Variants in CACNA2D3 observed in about 807,000 individuals in gnomAD.
CACNA2D3 encodes voltage-dependent calcium channel subunit alpha-2/delta-3.
In CACNA2D3, 60 loss-of-function variants were observed where a neutral mutation model predicts 160.6. That is an observed-to-expected ratio of 0.37 (90% CI 0.30 to 0.46). The LOEUF (loss-of-function observed/expected upper bound fraction) is 0.46, where lower values mean the gene tolerates loss of function less well. Ranked by LOEUF, CACNA2D3 falls within the 20% of genes least tolerant of loss-of-function variation. The probability of loss-of-function intolerance (pLI) is 1.00; values close to 1 mark genes in which losing one functional copy is unlikely to be tolerated. For missense variants in CACNA2D3, 1,205 were observed against 1,365.0 expected (o/e 0.88, Z 1.85); for synonymous variants, 558 against 492.9 (o/e 1.13, Z -1.75).
chr3:54,811,609 T>G (rs923917351), intron 13 of CACNA2D3, among the ~76,000 whole-genome samples: 7 of 151,368 alleles, frequency 4.6e-5, no homozygotes, highest in African/African-American at 1.7e-4. Context: ...GCGATTCTCC[T>G]GCTTCAGCCT....
chr3:54,585,337 CATA>C (rs1481253879), intron 9 of CACNA2D3, among the ~76,000 whole-genome samples: 3 of 151,824 alleles, frequency 2.0e-5, no homozygotes, highest in Non-Finnish European at 4.4e-5. Flanking sequence ...ATATTTGTAC[CATA>C]ATACCTACAG....
chr3:54,590,168 A>C (rs1212390116), intron 9 of CACNA2D3, among the ~76,000 whole-genome samples: 1 of 152,200 alleles, frequency 6.6e-6, no homozygotes, highest in Non-Finnish European at 1.5e-5. Flanking sequence ...TCCTTCAATG[A>C]CTGAATGGTT....
chr3:54,880,790 GC>G lies in CACNA2D3; in HGVS notation c.1845-5del, dbSNP rs1699777886. The G allele has an allele frequency of 6.2e-7, 1 of 1,612,602 alleles. No homozygotes were observed. The highest frequency in any genetic ancestry group is 1.7e-5 in the Admixed American group (1 of 59,994). The stretch of plus-strand genomic sequence containing the variant: ...ATTTCAAGATTTGCTTTGTCTCTCT[GC>G]ACAGTTTAGGTGTGGCGCTTTCCAG... On this transcript the variant is annotated splice_region_variant and splice_polypyrimidine_tract_variant and intron_variant, in intron 20 of 37. Transcript: ENST00000474759.
chr3:54,918,335 T>TC, intron 27 of CACNA2D3: 3 of 125,068 alleles, frequency 2.4e-5, no homozygotes, highest in Non-Finnish European at 2.5e-5. Flanking sequence ...TTTTTTTCTT[T>TC]TTTTTTTTTT....
intron 3 of CACNA2D3, among the ~76,000 whole-genome samples, chr3:54,376,717 A>G (rs1470358838): frequency 1.3e-5 from 2 of 152,202 alleles, no homozygotes; most frequent in East Asian, 1.9e-4. Flanking sequence ...CAGCAGCAAG[A>G]TAACATTAGT....
At chr3:54,928,970 G>C (rs2106951053) in intron 27 of CACNA2D3, among the ~76,000 whole-genome samples, 1 of 152,220 alleles carries the variant, frequency 6.6e-6, no homozygotes, top group South Asian at 2.1e-4. Context: ...GCTGAGGTGG[G>C]GTTTCAACCC....
chr3:54,383,110 A>G (rs868241138), intron 3 of CACNA2D3, among the ~76,000 whole-genome samples: 11 of 152,332 alleles, frequency 7.2e-5, no homozygotes, highest in Middle Eastern at 3.4e-3. Flanking sequence ...GGCCTCCCAA[A>G]GTGCTGGGAT....
At chr3:54,377,406 T>A (rs960839473) in intron 3 of CACNA2D3, among the ~76,000 whole-genome samples, 27 of 152,320 alleles carry the variant, frequency 1.8e-4, no homozygotes, top group African/African-American at 6.3e-4. Context: ...TGTTCCAAGT[T>A]CTCCCTATAT....
At chr3:54,357,347 C>T (rs1018441929) in intron 3 of CACNA2D3, among the ~76,000 whole-genome samples, 4 of 152,350 alleles carry the variant, frequency 2.6e-5, no homozygotes, top group African/African-American at 7.2e-5. Context: ...ACAACAAATA[C>T]ATTCCCAAAA....
intron 4 of CACNA2D3, among the ~76,000 whole-genome samples, chr3:54,462,367 C>T (rs1700522965): frequency 6.6e-6 from 1 of 152,176 alleles, no homozygotes; most frequent in Admixed American, 6.5e-5. Context: ...CTAATGTTGA[C>T]AGTGGGGTGT....
intron 11 of CACNA2D3, among the ~76,000 whole-genome samples, chr3:54,712,406 G>A (rs1370974729): frequency 6.6e-6 from 1 of 152,148 alleles, no homozygotes; most frequent in African/African-American, 2.4e-5. Context: ...CCTATGCGTT[G>A]TGGGAGGGAC....
At position 54,491,104 on chromosome 3, in the gene CACNA2D3, A is replaced by G. The variant is rs188250351; in HGVS notation, c.382-12388A>G. The stretch of plus-strand genomic sequence containing the variant: ...GTTTCTTTGGAGAACCTTGACTAAT[A>G]GTCACTTACTGAGTGGGCACTGGCT... On this transcript the variant is annotated intron_variant, in intron 4 of 37. Transcript: ENST00000474759. Among the ~76,000 whole-genome samples the G allele has an allele frequency of 1.8e-4, 28 of 152,266 alleles. 1 individual carries two copies. The highest frequency in any genetic ancestry group is 6.8e-3 in the Middle Eastern group (2 of 294).
chr3:54,210,110 C>T (rs574526553), intron 2 of CACNA2D3, among the ~76,000 whole-genome samples: 5 of 152,154 alleles, frequency 3.3e-5, no homozygotes, highest in South Asian at 2.1e-4. Flanking sequence ...GAAAACACAA[C>T]GTTTGTTAGA....
intron 34 of CACNA2D3, 44 bp downstream of exon 34, chr3:55,009,487 CGCTGGGTTCACTG>C: frequency 6.5e-7 from 1 of 1,549,202 alleles, no homozygotes; most frequent in Non-Finnish European, 8.9e-7. Context: ...GAGGGATAAG[CGCTGGGTTCACTG>C]GCTACTTTTC....
At chr3:54,734,574 C>T (rs537035849) in intron 11 of CACNA2D3, among the ~76,000 whole-genome samples, 4 of 152,270 alleles carry the variant, frequency 2.6e-5, no homozygotes, top group South Asian at 2.1e-4. Context: ...TATCTTGGTG[C>T]GTGACACCCC....
chr3:54,153,931 G>T lies in CACNA2D3; in HGVS notation c.204+30337G>T, dbSNP rs185169580. 1.4e-3 allele frequency among the ~76,000 whole-genome samples: 216 copies of T among 152,240 alleles called. 2 individuals are homozygous for T. Among genetic ancestry groups the T allele is most frequent in the African/African-American group, 4.9e-3 (204 of 41,530 alleles). ...AATGCAATATAAAGCCCTTCAGAGC[G>T]TCCATTTTGGGTAGCATTCACTCCC... On this transcript the variant is annotated intron_variant, in intron 2 of 37. Coordinates refer to ENST00000474759, the MANE Select transcript of CACNA2D3 (RefSeq NM_018398.3).
At chr3:54,391,144 T>C (rs1488464104) in intron 4 of CACNA2D3, among the ~76,000 whole-genome samples, 1 of 152,226 alleles carries the variant, frequency 6.6e-6, no homozygotes, top group Non-Finnish European at 1.5e-5. Context: ...CGTTGCATCA[T>C]TGCAACATTC....
chr3:54,664,994 A>G (rs918786250), intron 11 of CACNA2D3, among the ~76,000 whole-genome samples: 19 of 152,178 alleles, frequency 1.2e-4, no homozygotes, highest in African/African-American at 4.3e-4. Flanking sequence ...TTTCCTTTGT[A>G]TTACCATTGT....
intron 9 of CACNA2D3, among the ~76,000 whole-genome samples, chr3:54,625,568 C>T (rs1699079482): frequency 6.6e-6 from 1 of 152,174 alleles, no homozygotes; most frequent in African/African-American, 2.4e-5. Context: ...AGGAAGGTTG[C>T]TATGACAGTG....
Sources: allele counts gnomAD v4.1 joint callset (sites outside exome capture counted in the v4.1 genomes callset), GRCh38; gene constraint gnomAD v4.1.1; transcripts MANE v1.5; gene names NCBI Gene and HGNC (gene_info 2026-07-23, HGNC 2026-07-21).